The following SYNE2 variants were observed in gnomAD, a reference collection of about 807,000 sequenced individuals.
The protein encoded by SYNE2 is nesprin-2.
Under a neutral mutation model 856.3 loss-of-function variants are expected in SYNE2, and 431 were observed. The ratio of observed to expected loss-of-function variants is 0.50; its 90% CI spans 0.47 to 0.55. The LOEUF (loss-of-function observed/expected upper bound fraction) is 0.55. SYNE2 is among the 20% of genes least tolerant of loss of function. The pLI is 0.00. For missense variants in SYNE2, 8,129 were observed against 8,023.2 expected (o/e 1.01, Z -0.50); for synonymous variants, 2,923 against 2,872.3 (o/e 1.02, Z -0.56).
chr14:64,133,330 A>AT (rs1456870916), intron 77 of SYNE2, among the ~76,000 whole-genome samples: 1 of 152,058 alleles, frequency 6.6e-6, no homozygotes, highest in Non-Finnish European at 1.5e-5. Context: ...ATGTCATGGT[A>AT]TTTTTTAAAA....
At chr14:64,167,664 T>C in intron 92 of SYNE2, 25 bp downstream of exon 92, 1 of 1,614,090 alleles carries the variant, frequency 6.2e-7, no homozygotes, top group Non-Finnish European at 8.5e-7. Context: ...TCTGCCACCC[T>C]TGAACCGCTC....
intron 1 of SYNE2, among the ~76,000 whole-genome samples, chr14:63,834,188 C>A (rs192445849): frequency 1.1e-4 from 16 of 152,136 alleles, no homozygotes; most frequent in African/African-American, 3.6e-4. Context: ...ATTAAAATAT[C>A]TCTTTCAGAA....
At chr14:64,146,844 G>T (rs1452026159) in intron 84 of SYNE2, among the ~76,000 whole-genome samples, 3 of 152,232 alleles carry the variant, frequency 2.0e-5, no homozygotes, top group Non-Finnish European at 4.4e-5. Context: ...ACGCTGTGCT[G>T]TTTCTGCACT....
chr14:63,768,392 C>T lies in SYNE2; in HGVS notation c.-305+6406C>T, dbSNP rs959768262. Among the ~76,000 whole-genome samples, 67 of 152,224 alleles carry T rather than the reference C, an allele frequency of 4.4e-4. 1 individual carries two copies. The highest frequency in any genetic ancestry group is 3.4e-4 in the Non-Finnish European group (23 of 68,010). On this transcript the variant is annotated intron_variant, in intron 1 of 23. Transcript: ENST00000674003. The stretch of plus-strand genomic sequence containing the variant: ...TTGTAAACCTCCTTTGGGTCATTCC[C>T]TTTTTTAGTACTTACCCAGTTAAAA...
chr14:64,140,790 C>T (rs2098132813), intron 80 of SYNE2, among the ~76,000 whole-genome samples: 1 of 151,966 alleles, frequency 6.6e-6, no homozygotes, highest in Non-Finnish European at 1.5e-5. Context: ...AAAATATCCC[C>T]CAAATTTTGG....
intron 107 of SYNE2, chr14:64,215,879 T>C: frequency 8.3e-7 from 1 of 1,198,194 alleles, no homozygotes; most frequent in Non-Finnish European, 1.1e-6. Context: ...AGGAGCCTTT[T>C]GGTTCCCAAG....
chr14:63,770,638 G>A (rs1595094207), intron 1 of SYNE2, among the ~76,000 whole-genome samples: 2 of 151,864 alleles, frequency 1.3e-5, no homozygotes, highest in African/African-American at 4.8e-5. Flanking sequence ...TGTTTTTACC[G>A]AAATAAAGAA....
At position 64,125,138 on chromosome 14, in the gene SYNE2, A is replaced by T; in HGVS notation, c.13482A>T (p.Thr4494=). The T allele has an allele frequency of 6.2e-7, 1 of 1,614,234 alleles. No individual in the cohort carries two copies. Among genetic ancestry groups the T allele is most frequent in the African/African-American group, 1.3e-5 (1 of 75,060 alleles). Residue 4494 remains threonine, a synonymous_variant, in exon 71 of 116, where the codon ACA becomes ACT. Transcript: ENST00000555002. ...CTATGTATAACTTTAGATACCCAAC[A>T]ACTGAAGAACTGAAAACCTATACCA... ...SVTMYNFRYP[T]TEELKTYTTQ...
At position 63,977,937 on chromosome 14, in the gene SYNE2, C is replaced by T. The variant is rs973945624; in HGVS notation, c.1326C>T (p.Asn442=). 1 of 1,613,800 alleles carries T rather than the reference C, an allele frequency of 6.2e-7. No individual in the cohort carries two copies. ...SLMDRFEHHS[N]ILLTFENKDE... Reference sequence around the variant, plus strand: ...TGGATAGATTTGAGCATCATTCGAACATTCTCCTTACCTTTGAAAATAAGG... The same window carrying T: ...TGGATAGATTTGAGCATCATTCGAATATTCTCCTTACCTTTGAAAATAAGG... Residue 442 remains asparagine, a synonymous_variant, in exon 13 of 116, where the codon AAC becomes AAT. Coordinates refer to ENST00000555002, the MANE Select transcript of SYNE2 (RefSeq NM_182914.3).
At chr14:63,903,437 GT>G (rs986268203) in intron 1 of SYNE2, among the ~76,000 whole-genome samples, 2 of 151,632 alleles carry the variant, frequency 1.3e-5, no homozygotes, top group Admixed American at 6.6e-5. Context: ...GTCTTAATTG[GT>G]TTTTTTTGGG....
Position 64,062,837 on chromosome 14 carries a change from C to T in SYNE2, c.10154C>T (p.Ser3385Phe). 2 of 1,614,108 alleles carry T rather than the reference C, an allele frequency of 1.2e-6. No individual in the cohort carries two copies. The highest frequency in any genetic ancestry group is 1.7e-6 in the Non-Finnish European group (2 of 1,179,988). The change falls in exon 50 of 116, where the codon TCC becomes TTC. Residue 3385 changes from serine to phenylalanine, a missense_variant. Ser to Phe is a radical substitution (Grantham distance 155). Coordinates refer to ENST00000555002, the MANE Select transcript of SYNE2 (RefSeq NM_182914.3). ...LSKMETVLGQ[S>F]MSSLPLSYRE... Reference sequence around the variant, plus strand: ...AAAATGGAGACAGTTCTTGGACAGTCCATGTCCTCGTTGCCACTGTCTTAC... The same window carrying T: ...AAAATGGAGACAGTTCTTGGACAGTTCATGTCCTCGTTGCCACTGTCTTAC...
chr14:64,225,170 G>T (rs2098713425), intron 115 of SYNE2, 125 bp downstream of exon 115: 3 of 1,547,320 alleles, frequency 1.9e-6, no homozygotes, highest in South Asian at 1.1e-5. Context: ...GAAAGGGCTG[G>T]TTTTCTCCTC....
In SYNE2 at chr14:64,030,075, CA is replaced by C. The variant is rs2097020137; in HGVS notation, c.6879+17del. 1 of 1,612,746 alleles carries C rather than the reference CA, an allele frequency of 6.2e-7. No individual in the cohort carries two copies. The highest frequency in any genetic ancestry group is 8.5e-7 in the Non-Finnish European group (1 of 1,179,004). ...GAAACTGCAGGTACTAAACGGTGTC[CA>C]GACATGATAGACATTTAAAAAAAAA... On this transcript the variant is annotated intron_variant, in intron 44 of 115. Coordinates refer to ENST00000555002, the MANE Select transcript of SYNE2 (RefSeq NM_182914.3).
At chr14:64,033,283 C>T (rs1304893216) in intron 45 of SYNE2, among the ~76,000 whole-genome samples, 2 of 152,168 alleles carry the variant, frequency 1.3e-5, no homozygotes, top group South Asian at 2.1e-4. Flanking sequence ...AGTTACTTGC[C>T]TAACAACTTT....
At chr14:64,156,096 G>C (rs1182308959) in intron 85 of SYNE2, among the ~76,000 whole-genome samples, 1 of 152,140 alleles carries the variant, frequency 6.6e-6, no homozygotes. Flanking sequence ...ACCCCAGTTG[G>C]AACATTTTGA....
At chr14:63,852,162 A>C (rs1890581918), upstream of SYNE2, among the ~76,000 whole-genome samples, 1 of 152,064 alleles carries the variant, frequency 6.6e-6, no homozygotes, top group African/African-American at 2.4e-5. Context: ...ATAGAAACTC[A>C]ATAGAGAAAT....
chr14:63,945,160 TATATGTA>T (rs1412367580), intron 6 of SYNE2, among the ~76,000 whole-genome samples: 1 of 150,450 alleles, frequency 6.6e-6, no homozygotes, highest in East Asian at 1.9e-4. Flanking sequence ...TTTGTTGATG[TATATGTA>T]ATACACACAG....
At chr14:64,158,257 T>C (rs1204591927) in intron 85 of SYNE2, among the ~76,000 whole-genome samples, 1 of 152,218 alleles carries the variant, frequency 6.6e-6, no homozygotes, top group African/African-American at 2.4e-5. Context: ...GTTTTGTGGA[T>C]GAGGAAACTG....
chr14:63,789,709 TG>T (rs1467410092), intron 1 of SYNE2, among the ~76,000 whole-genome samples: 1 of 150,846 alleles, frequency 6.6e-6, no homozygotes, highest in Admixed American at 6.6e-5. Flanking sequence ...ACCAGGGAAG[TG>T]GAGGTTGCAA....
Sources: allele counts gnomAD v4.1 joint callset (sites outside exome capture counted in the v4.1 genomes callset), GRCh38; gene constraint gnomAD v4.1.1; transcripts MANE v1.5; gene names NCBI Gene and HGNC (gene_info 2026-07-23, HGNC 2026-07-21).